Variants in MTA3 observed in about 807,000 individuals in gnomAD.
MTA3 encodes metastasis-associated protein MTA3.
MTA3 carries 34 observed loss-of-function variants against 83.5 expected under a neutral mutation model. That is an observed-to-expected ratio of 0.41 (90% CI 0.31 to 0.54). The LOEUF is 0.54. Among genes scored for constraint, MTA3 ranks in the 20% least tolerant of loss-of-function variants. The pLI, the probability that MTA3 is intolerant of heterozygous loss-of-function variation, is 0.33. For synonymous variants in MTA3, 303 were observed against 252.7 expected (o/e 1.20, Z -1.89); for missense variants, 761 against 726.4 (o/e 1.05, Z -0.55).
chr2:42,553,226 C>T (rs570070327), intron 2 of MTA3, among the ~76,000 whole-genome samples: 2 of 151,618 alleles, frequency 1.3e-5, no homozygotes, highest in South Asian at 4.2e-4. Flanking sequence ...GAGATCGAGA[C>T]AATCCTGGCT....
chr2:42,548,810 A>ATATATATATATATATATAAT (rs1553340662), intron 2 of MTA3, among the ~76,000 whole-genome samples: 1 of 66,488 alleles, frequency 1.5e-5, no homozygotes, highest in South Asian at 4.9e-4. Context: ...CTCAAAAAAA[A>ATATATATATATATATATAAT]ATATATATAT....
chr2:42,572,288 T>TA (rs1200600956), intron 2 of MTA3, among the ~76,000 whole-genome samples: 1 of 150,972 alleles, frequency 6.6e-6, no homozygotes, highest in Non-Finnish European at 1.5e-5. Context: ...AAAAAAAAAT[T>TA]CTGGACTAGG....
At position 42,749,862 on chromosome 2, in the gene MTA3, C is replaced by A. The variant is rs189618747; in HGVS notation, c.1760-3512C>A. Reference sequence around the variant, plus strand: ...GCCTACCACGATAGGAAGCAGAGCTCCTCAGTCCTTCTATGTGCTTCCCCT... The same window carrying A: ...GCCTACCACGATAGGAAGCAGAGCTACTCAGTCCTTCTATGTGCTTCCCCT... On this transcript the variant is annotated intron_variant, in intron 16 of 16. Coordinates refer to ENST00000405094, the MANE Select transcript of MTA3 (RefSeq NM_001330442.2). Among the ~76,000 whole-genome samples the A allele has an allele frequency of 8.3e-4, 126 of 152,250 alleles. No individual in the cohort carries two copies. In the Middle Eastern group the frequency reaches 0.014, roughly 16 times the overall value.
intron 4 of MTA3, among the ~76,000 whole-genome samples, chr2:42,612,006 C>G (rs1160978107): frequency 6.6e-6 from 1 of 151,968 alleles, no homozygotes; most frequent in Non-Finnish European, 1.5e-5. Flanking sequence ...GTTAGATTTG[C>G]TAGGGTAAGT....
intron 5 of MTA3, among the ~76,000 whole-genome samples, chr2:42,642,030 A>T (rs1028442523): frequency 6.6e-6 from 1 of 152,164 alleles, no homozygotes; most frequent in African/African-American, 2.4e-5. Context: ...TATATAAAAA[A>T]TTTAAAAATA....
Position 42,609,554 on chromosome 2 carries a change from A to G in MTA3, c.287A>G (p.Gln96Arg). 2.5e-6 allele frequency: 4 copies of G among 1,613,902 alleles called. No homozygotes were observed. Among genetic ancestry groups the G allele is most frequent in the Non-Finnish European group, 3.4e-6 (4 of 1,179,816 alleles). Residue 96 changes from glutamine to arginine, a missense_variant, in exon 4 of 17, where the codon CAG becomes CGG. Gln to Arg is a conservative substitution (Grantham distance 43, BLOSUM62 1). Transcript: ENST00000405094. ...LKHRELFLSRQYESLPATHIR... is the reference protein window; with the variant it reads ...LKHRELFLSRRYESLPATHIR... ...CATAGGGAACTCTTTTTGTCACGCC[A>G]GTATGAATCTCTGCCCGCAACACAT...
chr2:42,585,716 C>T (rs1257989767), intron 3 of MTA3, among the ~76,000 whole-genome samples: 1 of 151,134 alleles, frequency 6.6e-6, no homozygotes, highest in Non-Finnish European at 1.5e-5. Context: ...TCAAGTGATC[C>T]ACCTGCCTTG....
At chr2:42,541,299 G>A (rs1676508208) in intron 2 of MTA3, among the ~76,000 whole-genome samples, 1 of 152,206 alleles carries the variant, frequency 6.6e-6, no homozygotes, top group Admixed American at 6.5e-5. Flanking sequence ...CCAGAGTGCT[G>A]GGATTACAGG....
chr2:42,715,841 A>G (rs961488408), intron 14 of MTA3, among the ~76,000 whole-genome samples: 5 of 152,192 alleles, frequency 3.3e-5, no homozygotes, highest in African/African-American at 1.2e-4. Flanking sequence ...TCTTATTACT[A>G]GTAATATGGT....
intron 16 of MTA3, among the ~76,000 whole-genome samples, chr2:42,742,259 T>A (rs1383834810): frequency 6.6e-6 from 1 of 151,898 alleles, no homozygotes; most frequent in African/African-American, 2.4e-5. Flanking sequence ...CTGCCTTAGC[T>A]TCCAGAGTAG....
chr2:42,636,039 G>C (rs1187972362), intron 4 of MTA3, among the ~76,000 whole-genome samples: 1 of 152,124 alleles, frequency 6.6e-6, no homozygotes, highest in East Asian at 1.9e-4. Flanking sequence ...AGAATGCTAG[G>C]ATTACAGGCG....
rs200239634 is a variant in MTA3, at chr2:42,544,686, A to AT, written c.-140-25744dup. ...ACAGTCGTGAGCCACTTTGCCCAGC[A>AT]TTTTTTTAAAAAAAACAGTGATATT... On this transcript the variant is annotated intron_variant, in intron 2 of 17. Coordinates refer to the MTA3 transcript ENST00000405592. Among the ~76,000 whole-genome samples, 546 of 151,940 alleles carry AT rather than the reference A, an allele frequency of 3.6e-3. 3 individuals carry two copies. Among genetic ancestry groups the AT allele is most frequent in the African/African-American group, 0.012 (496 of 41,472 alleles).
At chr2:42,640,094 A>G in intron 4 of MTA3, 79 bp from the exon 5 acceptor site, 1 of 1,077,102 alleles carries the variant, frequency 9.3e-7, no homozygotes, top group Non-Finnish European at 1.4e-6. Flanking sequence ...CCAGTCTCAC[A>G]TTCTTAACTT....
chr2:42,496,024 C>G (rs747385903), intron 2 of MTA3, among the ~76,000 whole-genome samples: 2 of 152,184 alleles, frequency 1.3e-5, no homozygotes, highest in Non-Finnish European at 2.9e-5. Context: ...AAAATACTTT[C>G]TAGAAGCATC....
At chr2:42,748,317 G>T (rs1669605346) in intron 16 of MTA3, among the ~76,000 whole-genome samples, 1 of 151,808 alleles carries the variant, frequency 6.6e-6, no homozygotes. Flanking sequence ...GCCTGCCTCA[G>T]CCTCCCAAAG....
intron 16 of MTA3, among the ~76,000 whole-genome samples, chr2:42,724,748 T>TGCAATA (rs1667698451): frequency 6.6e-6 from 1 of 152,240 alleles, no homozygotes; most frequent in Admixed American, 6.5e-5. Flanking sequence ...AGTCCTGGCC[T>TGCAATA]GCAATACCTC....
At chr2:42,627,139 C>G (rs560157276) in intron 4 of MTA3, among the ~76,000 whole-genome samples, 1 of 151,714 alleles carries the variant, frequency 6.6e-6, no homozygotes. Context: ...TGCAGTGGCA[C>G]GATTCGTGGC....
chr2:42,558,683 G>A (rs1280159461), intron 2 of MTA3, among the ~76,000 whole-genome samples: 3 of 150,636 alleles, frequency 2.0e-5, no homozygotes, highest in African/African-American at 7.3e-5. Context: ...AAGTAGCTGG[G>A]ACTACATGCA....
intron 14 of MTA3, among the ~76,000 whole-genome samples, chr2:42,711,888 C>T (rs1200120248): frequency 2.0e-5 from 3 of 151,760 alleles, no homozygotes; most frequent in Non-Finnish European, 2.9e-5. Flanking sequence ...AGTTAAGAAT[C>T]GCTGTGATGC....
Sources: gnomAD v4.1 joint callset for allele counts (sites outside exome capture counted in the v4.1 genomes callset) on GRCh38, gnomAD v4.1.1 for gene constraint, MANE v1.5 for transcripts, NCBI Gene and HGNC (gene_info 2026-07-23, HGNC 2026-07-21) for gene names.